Variants in CDKAL1 observed in about 807,000 individuals in gnomAD.
CDKAL1 encodes threonylcarbamoyladenosine tRNA methylthiotransferase.
Under a neutral mutation model 68.2 loss-of-function variants are expected in CDKAL1, and 32 were observed. The observed-to-expected ratio is 0.47, with a 90% CI of 0.35 to 0.63. CDKAL1 has a LOEUF of 0.63. Among genes scored for constraint, CDKAL1 ranks in the 30% least tolerant of loss-of-function variants. The probability of loss-of-function intolerance (pLI) is 0.00; values close to 1 mark genes in which losing one functional copy is unlikely to be tolerated. For missense variants in CDKAL1, 606 were observed against 696.7 expected (o/e 0.87, Z 1.47); for synonymous variants, 234 against 244.3 (o/e 0.96, Z 0.39).
At chr6:20,682,175 A>G (rs908576207) in intron 5 of CDKAL1, among the ~76,000 whole-genome samples, 1 of 152,180 alleles carries the variant, frequency 6.6e-6, no homozygotes, top group African/African-American at 2.4e-5. Context: ...GCATTCAGAC[A>G]GTAACACAGG....
intron 12 of CDKAL1, among the ~76,000 whole-genome samples, chr6:21,081,078 T>C (rs911578103): frequency 2.0e-5 from 3 of 152,206 alleles, no homozygotes; most frequent in African/African-American, 4.8e-5. Context: ...TTTGTAGTGA[T>C]AGAAAATCAT....
chr6:20,761,125 G>T (rs139810411), intron 7 of CDKAL1, among the ~76,000 whole-genome samples: 1 of 152,304 alleles, frequency 6.6e-6, no homozygotes, highest in East Asian at 1.9e-4. Flanking sequence ...TACTAAAGAA[G>T]ATATGCAAAT....
chr6:20,796,636 A>G (rs1776120630), intron 8 of CDKAL1, among the ~76,000 whole-genome samples: 1 of 152,244 alleles, frequency 6.6e-6, no homozygotes, highest in Non-Finnish European at 1.5e-5. Context: ...AGGGATAGAC[A>G]CATTAAATCA....
chr6:20,762,686 A>G (rs1398572568), intron 7 of CDKAL1, among the ~76,000 whole-genome samples: 2 of 152,156 alleles, frequency 1.3e-5, no homozygotes, highest in African/African-American at 4.8e-5. Flanking sequence ...AAGACTTTTG[A>G]GGTACACAGA....
intron 2 of CDKAL1, among the ~76,000 whole-genome samples, chr6:20,537,547 A>G (rs1264132703): frequency 6.6e-6 from 1 of 150,668 alleles, no homozygotes; most frequent in Non-Finnish European, 1.5e-5. Context: ...CACAGGTTGC[A>G]GTGAGCCGAG....
intron 12 of CDKAL1, among the ~76,000 whole-genome samples, chr6:21,079,029 T>TG (rs1401827620): frequency 6.6e-6 from 1 of 152,002 alleles, no homozygotes; most frequent in Non-Finnish European, 1.5e-5. Context: ...CTGTGAGAAG[T>TG]GGGGGGTGCC....
At position 20,534,582 on chromosome 6, in the gene CDKAL1, T is replaced by A. The variant is rs1039183313; in HGVS notation, c.-50+8T>A. 6.6e-6 allele frequency: 1 copy of A among 152,422 alleles called. No individual in the cohort carries two copies. Among genetic ancestry groups the A allele is most frequent in the Non-Finnish European group, 1.5e-5 (1 of 67,984 alleles). 9.4% of individuals were successfully genotyped at this position (152,422 alleles called of 1,614,324 possible). On this transcript the variant is annotated splice_region_variant and intron_variant, in intron 1 of 15. Coordinates refer to ENST00000274695, the MANE Select transcript of CDKAL1 (RefSeq NM_017774.3). ...TTACTTCCCGACTTCTGGGTAAGGG[T>A]GGCCGATGGGTCCATGTGGGGCAGA...
chr6:21,189,342 G>C (rs957759082), intron 13 of CDKAL1, among the ~76,000 whole-genome samples: 5 of 152,178 alleles, frequency 3.3e-5, no homozygotes, highest in Non-Finnish European at 7.4e-5. Flanking sequence ...AAGCTACTAA[G>C]ATACTCATGG....
chr6:21,127,666 C>T (rs1248097574), intron 13 of CDKAL1, among the ~76,000 whole-genome samples: 1 of 152,128 alleles, frequency 6.6e-6, no homozygotes, highest in African/African-American at 2.4e-5. Context: ...AGGAGAATCA[C>T]TTGAACCTGG....
chr6:20,900,926 T>C (rs1761929078), intron 9 of CDKAL1, among the ~76,000 whole-genome samples: 1 of 152,240 alleles, frequency 6.6e-6, no homozygotes, highest in Non-Finnish European at 1.5e-5. Flanking sequence ...CCTTTAGTTA[T>C]TGCATAATTT....
chr6:20,718,265 G>A (rs188696800), intron 5 of CDKAL1, among the ~76,000 whole-genome samples: 8 of 152,220 alleles, frequency 5.3e-5, no homozygotes, highest in African/African-American at 1.7e-4. Context: ...CCACTCATGG[G>A]TTCTTCATCA....
chr6:21,050,127 G>C (rs764495334), intron 11 of CDKAL1, among the ~76,000 whole-genome samples: 1 of 152,096 alleles, frequency 6.6e-6, no homozygotes, highest in Non-Finnish European at 1.5e-5. Flanking sequence ...CTTTCAAAGA[G>C]AAGGAATCAT....
intron 8 of CDKAL1, among the ~76,000 whole-genome samples, chr6:20,842,438 C>T (rs1300517481): frequency 1.3e-5 from 2 of 152,134 alleles, no homozygotes; most frequent in African/African-American, 2.4e-5. Flanking sequence ...AAAATGTGCT[C>T]TTAAGAAATT....
chr6:20,767,763 T>C (rs1274413534), intron 7 of CDKAL1, among the ~76,000 whole-genome samples: 1 of 152,238 alleles, frequency 6.6e-6, no homozygotes, highest in African/African-American at 2.4e-5. Context: ...TTCTAATATT[T>C]GGTGATTGGC....
intron 11 of CDKAL1, among the ~76,000 whole-genome samples, chr6:21,010,425 G>C (rs1176341504): frequency 6.6e-6 from 1 of 152,048 alleles, no homozygotes; most frequent in South Asian, 2.1e-4. Flanking sequence ...TAAATCTCTA[G>C]CTTAAACTCC....
intron 13 of CDKAL1, among the ~76,000 whole-genome samples, chr6:21,118,964 G>T (rs1448089366): frequency 6.6e-6 from 1 of 152,128 alleles, no homozygotes; most frequent in Non-Finnish European, 1.5e-5. Flanking sequence ...GGTGGCAGTG[G>T]AGGGTGTCTT....
intron 9 of CDKAL1, among the ~76,000 whole-genome samples, chr6:20,934,957 G>T (rs114690964): frequency 5.6e-4 from 83 of 148,932 alleles, no homozygotes; most frequent in Non-Finnish European, 1.1e-3. Context: ...GTTCAATGGC[G>T]CAGTCTCGGC....
chr6:21,039,264 A>C (rs1769774724), intron 11 of CDKAL1, among the ~76,000 whole-genome samples: 1 of 152,136 alleles, frequency 6.6e-6, no homozygotes, highest in Non-Finnish European at 1.5e-5. Flanking sequence ...TGATGATCTG[A>C]GGCGGAACAA....
At chr6:21,179,742 C>CA (rs1393856949) in intron 13 of CDKAL1, among the ~76,000 whole-genome samples, 2 of 151,890 alleles carry the variant, frequency 1.3e-5, no homozygotes, top group Non-Finnish European at 1.5e-5. Flanking sequence ...TTAAGCAAAA[C>CA]AAAAAAAGAG....
Sources: allele counts gnomAD v4.1 joint callset (sites outside exome capture counted in the v4.1 genomes callset), GRCh38; gene constraint gnomAD v4.1.1; transcripts MANE v1.5; gene names NCBI Gene and HGNC (gene_info 2026-07-23, HGNC 2026-07-21).